The following KAZN variants were observed in gnomAD, a reference collection of about 807,000 sequenced individuals.
KAZN encodes the protein kazrin, periplakin interacting protein.
In KAZN, 40 loss-of-function variants were observed where a neutral mutation model predicts 87.4. The observed-to-expected ratio is 0.46, with a 90% confidence interval of 0.36 to 0.60. The LOEUF is 0.60. Among genes scored for constraint, KAZN ranks in the 20% least tolerant of loss-of-function variants. The pLI is 0.00. For synonymous variants in KAZN, 466 were observed against 458.3 expected, an observed-to-expected ratio of 1.02 and a Z score of -0.22; for missense variants, 898 against 1,073.9, an observed-to-expected ratio of 0.84 and a Z score of 2.29.
chr1:14,647,570 T>C (rs557046891), intron 1 of KAZN, among the ~76,000 whole-genome samples: 1 of 152,236 alleles, frequency 6.6e-6, no homozygotes, highest in Admixed American at 6.5e-5. Flanking sequence ...AAGTAAATGA[T>C]AGAACAGGCT....
At chr1:14,043,028 C>A (rs981673302) in intron 1 of KAZN, among the ~76,000 whole-genome samples, 2 of 152,108 alleles carry the variant, frequency 1.3e-5, no homozygotes, top group African/African-American at 4.8e-5. Flanking sequence ...ATCTCTGTAA[C>A]CTTTTTATCT....
rs180754979 is a variant in KAZN at position 15,099,735 on chromosome 1, A to T, written c.1548-1808A>T. 4.1e-3 allele frequency among the ~76,000 whole-genome samples: 622 copies of T among 152,292 alleles called. 9 individuals are homozygous for T. In the South Asian group the frequency reaches 0.047, roughly 11 times the overall value. The stretch of plus-strand genomic sequence containing the variant: ...AGCAGGGGAGTGCACGGTCACACTG[A>T]CATTTTAAAAGGACCCCCTGGTGGT... On this transcript the variant is annotated intron_variant, in intron 10 of 14. Coordinates refer to ENST00000376030, the MANE Select transcript of KAZN (RefSeq NM_201628.3). This position sits in a 1 kb window ranked among gnomAD's most constrained non-coding sequence, Gnocchi z 5.4.
At chr1:15,073,953 T>G (rs1639625990) in intron 8 of KAZN, among the ~76,000 whole-genome samples, 1 of 152,180 alleles carries the variant, frequency 6.6e-6, no homozygotes, top group Admixed American at 6.5e-5. Context: ...ACCCCTGCCC[T>G]TGGGCTCCTG....
intron 1 of KAZN, among the ~76,000 whole-genome samples, chr1:14,019,164 T>C (rs2101239987): frequency 6.6e-6 from 1 of 152,348 alleles, no homozygotes; most frequent in Middle Eastern, 3.4e-3. Context: ...AACGACTTGT[T>C]TTGTGTAACA....
rs112310846 is a variant in KAZN, at chr1:14,970,172, A to C, written c.418+9297A>C. On this transcript the variant is annotated intron_variant, in intron 2 of 14. Coordinates refer to ENST00000376030, the MANE Select transcript of KAZN (RefSeq NM_201628.3). ...CATCATTTAATTTGAGAGTAGTTTG[A>C]GGTTTACAGAAAAGTTTCTAAGATA... 9.7e-3 allele frequency among the ~76,000 whole-genome samples: 1,480 copies of C among 152,290 alleles called. 18 individuals are homozygous for C. Among genetic ancestry groups the C allele is most frequent in the South Asian group, 0.049 (237 of 4,826 alleles).
At chr1:13,932,728 C>T (rs1351430209) in intron 1 of KAZN, among the ~76,000 whole-genome samples, 1 of 152,146 alleles carries the variant, frequency 6.6e-6, no homozygotes, top group Non-Finnish European at 1.5e-5. Flanking sequence ...TGGCTTGGGC[C>T]GGAGCTCACA....
chr1:14,961,649 T>C (rs1284570688), intron 2 of KAZN, among the ~76,000 whole-genome samples: 1 of 152,186 alleles, frequency 6.6e-6, no homozygotes, highest in African/African-American at 2.4e-5. Flanking sequence ...AAACACAGCC[T>C]TTGGGGTCTG....
intron 1 of KAZN, among the ~76,000 whole-genome samples, chr1:14,829,753 C>A (rs1017545708): frequency 6.6e-5 from 10 of 152,172 alleles, no homozygotes; most frequent in African/African-American, 2.4e-4. Flanking sequence ...TTTCAGAGAT[C>A]AGAGGAGGCT....
chr1:13,954,858 T>G (rs1448467519), intron 1 of KAZN, among the ~76,000 whole-genome samples: 1 of 152,226 alleles, frequency 6.6e-6, no homozygotes, highest in Non-Finnish European at 1.5e-5. Flanking sequence ...TTTTAAATTG[T>G]CAGCATTAGT....
At chr1:14,099,531 C>G (rs758766513) in intron 1 of KAZN, among the ~76,000 whole-genome samples, 7 of 152,158 alleles carry the variant, frequency 4.6e-5, no homozygotes, top group Non-Finnish European at 1.0e-4. Context: ...TGCCACCCAT[C>G]AGGAGGTTGC....
At chr1:14,639,099 C>T (rs1049111500) in intron 1 of KAZN, among the ~76,000 whole-genome samples, 3 of 152,194 alleles carry the variant, frequency 2.0e-5, no homozygotes, top group Admixed American at 6.5e-5. Context: ...TTCTTCCGTG[C>T]ACCCTTGGTG....
At chr1:14,230,726 T>C (rs1470392823) in intron 2 of KAZN, among the ~76,000 whole-genome samples, 1 of 152,196 alleles carries the variant, frequency 6.6e-6, no homozygotes, top group Non-Finnish European at 1.5e-5. Flanking sequence ...ACTGAACTTG[T>C]GTCTGAATTG....
chr1:14,782,554 CAAAAA>C (rs71572122), intron 1 of KAZN, among the ~76,000 whole-genome samples: 13 of 66,252 alleles, frequency 2.0e-4, no homozygotes, highest in African/African-American at 5.3e-4. Flanking sequence ...CCTCAAAGAG[CAAAAA>C]AAAAAAAAAA....
At chr1:14,920,402 C>G (rs1389979036) in intron 1 of KAZN, among the ~76,000 whole-genome samples, 1 of 150,084 alleles carries the variant, frequency 6.7e-6, no homozygotes, top group African/African-American at 2.5e-5. Context: ...CTGCCCCTTT[C>G]CCCTCTGAAG....
At chr1:14,944,227 TA>T (rs34463773) in intron 1 of KAZN, among the ~76,000 whole-genome samples, 277 of 127,636 alleles carry the variant, frequency 2.2e-3, no homozygotes, top group Non-Finnish European at 2.5e-3. Context: ...CTCCCCCTCC[TA>T]AAAAAAAAAA....
At chr1:14,221,686 T>C (rs1647102009) in intron 2 of KAZN, among the ~76,000 whole-genome samples, 1 of 152,128 alleles carries the variant, frequency 6.6e-6, no homozygotes, top group South Asian at 2.1e-4. Context: ...CAACCACCAC[T>C]GAATGTCATA....
chr1:13,961,929 T>C (rs960358615), intron 1 of KAZN, among the ~76,000 whole-genome samples: 5 of 152,228 alleles, frequency 3.3e-5, no homozygotes, highest in Admixed American at 3.3e-4. Flanking sequence ...CCTGCCCTCT[T>C]GCACCCTCAG....
Position 14,087,971 on chromosome 1 carries a change from G to A in KAZN, c.92-92464G>A, listed in dbSNP as rs528928390. ...GGGTAATGGTGGACTCATAAACTGA[G>A]TTGGGAAGTGTTCCCTCTTGCTGTT... On this transcript the variant is annotated intron_variant, in intron 1 of 16. Transcript: ENST00000636203. Among the ~76,000 whole-genome samples, 3 of 149,116 alleles carry A rather than the reference G, an allele frequency of 2.0e-5. No homozygotes were observed. In the South Asian group the frequency reaches 6.3e-4, roughly 31 times the overall value.
chr1:14,215,252 G>C (rs1420852068), intron 2 of KAZN, among the ~76,000 whole-genome samples: 1 of 152,192 alleles, frequency 6.6e-6, no homozygotes, highest in Non-Finnish European at 1.5e-5. Context: ...GATGTAGAAG[G>C]AATGAGAGCT....
Sources: gnomAD v4.1 joint callset for allele counts (sites outside exome capture counted in the v4.1 genomes callset) on GRCh38, gnomAD v4.1.1 for gene constraint, Gnocchi (gnomAD v3.1) non-coding constraint, MANE v1.5 for transcripts, NCBI Gene and HGNC (gene_info 2026-07-23, HGNC 2026-07-21) for gene names.